B4GALT6: variants seen among roughly 807,000 people sequenced by gnomAD.
The protein encoded by B4GALT6 is beta-1,4-galactosyltransferase 6, also known as UDP-Gal:beta-GlcNAc beta-1,4-galactosyltransferase 6.
B4GALT6 carries 14 observed loss-of-function variants against 46.3 expected under a neutral mutation model. The ratio of observed to expected loss-of-function variants is 0.30; its 90% CI spans 0.20 to 0.47. The LOEUF (loss-of-function observed/expected upper bound fraction) is 0.47. Among genes scored for constraint, B4GALT6 ranks in the 20% least tolerant of loss-of-function variants. The probability of loss-of-function intolerance (pLI) is 0.99; values close to 1 mark genes in which losing one functional copy is unlikely to be tolerated. For missense variants in B4GALT6, 386 were observed against 480.1 expected (o/e 0.80, Z 1.83); for synonymous variants, 168 against 162.0 (o/e 1.04, Z -0.28).
chr18:31,629,447 ATTTTTTTTTTTTTTTTTTTTTT>A (rs869030382), intron 6 of B4GALT6, among the ~76,000 whole-genome samples: 3 of 32,836 alleles, frequency 9.1e-5, no homozygotes, highest in East Asian at 1.7e-3. Flanking sequence ...GCCCTTTATG[ATTTTTTTTTTTTTTTTTTTTTT>A]TTTTTTTTTT....
chr18:31,647,696 G>A (rs1474972725), intron 3 of B4GALT6, among the ~76,000 whole-genome samples: 4 of 152,158 alleles, frequency 2.6e-5, no homozygotes. Flanking sequence ...ATCAGAGAGA[G>A]GAAGAACAAA....
chr18:31,684,305 T>C lies in B4GALT6; in HGVS notation c.115+7A>G, dbSNP rs2074515731. On this transcript the variant is annotated splice_region_variant and intron_variant, in intron 1 of 8. Coordinates refer to ENST00000306851, the MANE Select transcript of B4GALT6 (RefSeq NM_004775.5). ...CAGGGGAAGCGAGGGTGTGTCTCGG[T>C]GCTTACCGATGCCTGGGGCCACATA... is the stretch of plus-strand genomic sequence containing the variant. 6.2e-7 allele frequency: 1 copy of C among 1,613,030 alleles called. No individual in the cohort carries two copies. Among genetic ancestry groups the C allele is most frequent in the African/African-American group, 1.3e-5 (1 of 74,820 alleles).
chr18:31,700,434 T>TG, the B4GALT6 span, among the ~76,000 whole-genome samples: 247 of 124,028 alleles, frequency 2.0e-3, no homozygotes, highest in South Asian at 8.8e-3. Context: ...AAATTGACTA[T>TG]TTGTGTGTGT....
At chr18:31,625,811 G>A (rs371138643) in intron 8 of B4GALT6, 50 bp from the exon 9 acceptor site, 2 of 1,478,164 alleles carry the variant, frequency 1.4e-6, no homozygotes, top group Non-Finnish European at 1.8e-6. Flanking sequence ...TGTTCAAAAA[G>A]GAAAACTGAT....
Position 31,623,931 on chromosome 18 carries a change from T to C in B4GALT6, c.*1683A>G, listed in dbSNP as rs1339583258. The C allele has an allele frequency of 4.6e-5, 7 of 152,194 alleles. No individual in the cohort carries two copies. In the East Asian group the frequency reaches 1.3e-3, roughly 29 times the overall value. 9.4% of individuals were successfully genotyped at this position (152,194 alleles called of 1,614,324 possible). ...AAATATTATCCAAACGTTTCTCATA[T>C]ATAGATTTCTATTGCTCATCATTGT... On this transcript the variant is annotated 3_prime_UTR_variant, in exon 9 of 9. Transcript: ENST00000306851.
intron 3 of B4GALT6, among the ~76,000 whole-genome samples, chr18:31,657,476 T>C (rs991120935): frequency 6.6e-6 from 1 of 152,206 alleles, no homozygotes; most frequent in Non-Finnish European, 1.5e-5. Flanking sequence ...CTATTTTCTA[T>C]ACAGACATCT....
intron 3 of B4GALT6, among the ~76,000 whole-genome samples, chr18:31,656,917 T>C (rs145081072): frequency 4.0e-5 from 6 of 151,852 alleles, no homozygotes; most frequent in Non-Finnish European, 5.9e-5. Flanking sequence ...AACACAAACA[T>C]AGGAAAACTT....
intron 5 of B4GALT6, among the ~76,000 whole-genome samples, chr18:31,631,933 C>T (rs1483673526): frequency 6.6e-6 from 1 of 152,090 alleles, no homozygotes; most frequent in Non-Finnish European, 1.5e-5. Context: ...AGATTAAGGG[C>T]ATTTTTAAGG....
intron 6 of B4GALT6, among the ~76,000 whole-genome samples, chr18:31,629,447 A>ATTTTTTTTTTTTTTTTTTTTTTTTTTTTT (rs869030382): frequency 3.0e-5 from 1 of 32,836 alleles, no homozygotes; most frequent in Non-Finnish European, 6.0e-5. Flanking sequence ...GCCCTTTATG[A>ATTTTTTTTTTTTTTTTTTTTTTTTTTTTT]TTTTTTTTTT....
chr18:31,631,300 C>T (rs756940141), intron 5 of B4GALT6, among the ~76,000 whole-genome samples, 154 bp from the exon 6 acceptor site: 1 of 151,884 alleles, frequency 6.6e-6, no homozygotes, highest in African/African-American at 2.4e-5. Context: ...GATCCACCCA[C>T]CTCAGCCTCC....
chr18:31,705,823 A>G, the B4GALT6 span, among the ~76,000 whole-genome samples: 3 of 152,380 alleles, frequency 2.0e-5, no homozygotes, highest in Non-Finnish European at 4.4e-5. Context: ...GGTAGAAAAG[A>G]TAACCTCAAA....
At chr18:31,715,219 T>G in the B4GALT6 span, among the ~76,000 whole-genome samples, 1 of 152,152 alleles carries the variant, frequency 6.6e-6, no homozygotes, top group African/African-American at 2.4e-5. Flanking sequence ...TTTTATTTTA[T>G]TATTTATTCA....
chr18:31,645,934 A>G (rs1333743854), intron 3 of B4GALT6, among the ~76,000 whole-genome samples: 1 of 152,188 alleles, frequency 6.6e-6, no homozygotes, highest in Non-Finnish European at 1.5e-5. Flanking sequence ...GCTTCTGTCT[A>G]TTGGGAAAAT....
chr18:31,681,164 T>A (rs561691904), intron 1 of B4GALT6, among the ~76,000 whole-genome samples: 6 of 152,358 alleles, frequency 3.9e-5, no homozygotes, highest in African/African-American at 1.4e-4. Flanking sequence ...TTGAATGAAC[T>A]TGTAAGTCAG....
the B4GALT6 span, among the ~76,000 whole-genome samples, chr18:31,707,947 T>C: frequency 6.6e-6 from 1 of 152,220 alleles, no homozygotes; most frequent in South Asian, 2.1e-4. Flanking sequence ...ACCTGACCTT[T>C]TCACTCAACA....
At chr18:31,632,369 T>A (rs1181131729) in intron 5 of B4GALT6, among the ~76,000 whole-genome samples, 1 of 152,212 alleles carries the variant, frequency 6.6e-6, no homozygotes, top group Admixed American at 6.5e-5. Context: ...AAACTACTTT[T>A]AAGGTTTTAA....
chr18:31,673,059 G>A (rs929383224), intron 1 of B4GALT6, among the ~76,000 whole-genome samples: 9 of 152,172 alleles, frequency 5.9e-5, no homozygotes, highest in Non-Finnish European at 1.2e-4. Flanking sequence ...GAGCATGTCA[G>A]CAGCCTGAGT....
chr18:31,663,603 T>A (rs1240098093), intron 2 of B4GALT6, among the ~76,000 whole-genome samples: 1 of 152,264 alleles, frequency 6.6e-6, no homozygotes, highest in East Asian at 1.9e-4. Flanking sequence ...ACAATCTATT[T>A]ATCATTTAGT....
chr18:31,719,819 G>A, the B4GALT6 span, among the ~76,000 whole-genome samples: 7 of 152,210 alleles, frequency 4.6e-5, no homozygotes, highest in South Asian at 4.2e-4. Context: ...AGAACTGGTC[G>A]AGCCAGATTA....
Sources: allele counts gnomAD v4.1 joint callset (sites outside exome capture counted in the v4.1 genomes callset), GRCh38; gene constraint gnomAD v4.1.1; transcripts MANE v1.5; gene names NCBI Gene and HGNC (gene_info 2026-07-23, HGNC 2026-07-21).